The following RHOBTB1 variants were observed in gnomAD, a reference collection of about 807,000 sequenced individuals.
RHOBTB1 encodes the protein rho-related BTB domain-containing protein 1.
Under a neutral mutation model 71.6 loss-of-function variants are expected in RHOBTB1, and 40 were observed. The observed-to-expected ratio is 0.56, with a 90% CI of 0.43 to 0.73. The LOEUF is 0.73. Among genes scored for constraint, RHOBTB1 ranks in the 30% least tolerant of loss-of-function variants. The pLI, the probability that RHOBTB1 is intolerant of heterozygous loss-of-function variation, is 0.00. For synonymous variants in RHOBTB1, 319 were observed against 334.9 expected, an observed-to-expected ratio of 0.95 and a Z score of 0.52; for missense variants, 797 against 894.0, an observed-to-expected ratio of 0.89 and a Z score of 1.38.
At chr10:60,885,675 T>C (rs1275449158) in intron 7 of RHOBTB1, among the ~76,000 whole-genome samples, 1 of 152,152 alleles carries the variant, frequency 6.6e-6, no homozygotes, top group African/African-American at 2.4e-5. Flanking sequence ...GTTAGGGGCA[T>C]AGCTAAGCCC....
chr10:60,929,767 C>T (rs1211084564), intron 2 of RHOBTB1, among the ~76,000 whole-genome samples: 1 of 152,024 alleles, frequency 6.6e-6, no homozygotes, highest in East Asian at 1.9e-4. Flanking sequence ...ACAACAATAA[C>T]AAATATATGG....
upstream of RHOBTB1, among the ~76,000 whole-genome samples, chr10:61,001,721 C>A (rs1209924128): frequency 6.6e-6 from 1 of 152,186 alleles, no homozygotes; most frequent in African/African-American, 2.4e-5. Flanking sequence ...CCCCGCCCCC[C>A]AGGGCTGTCA....
At chr10:60,974,535 A>T (rs1162678063) in intron 2 of RHOBTB1, among the ~76,000 whole-genome samples, 2 of 152,106 alleles carry the variant, frequency 1.3e-5, no homozygotes, top group Admixed American at 6.6e-5. Context: ...TTTTCTACAC[A>T]TCCATCGAGA....
intron 2 of RHOBTB1, among the ~76,000 whole-genome samples, chr10:60,932,530 A>AAAAAC (rs2084319500): frequency 6.6e-6 from 1 of 151,150 alleles, no homozygotes; most frequent in Admixed American, 6.6e-5. Context: ...AAAAAAAAAA[A>AAAAAC]AAGACAGAAA....
At chr10:60,895,697 C>A (rs1213860781) in intron 4 of RHOBTB1, among the ~76,000 whole-genome samples, 3 of 152,256 alleles carry the variant, frequency 2.0e-5, no homozygotes, top group Admixed American at 2.0e-4. Context: ...AGCCACCGCG[C>A]CCGGCCCAAG....
intron 2 of RHOBTB1, among the ~76,000 whole-genome samples, chr10:60,919,249 T>TAAA (rs2083429267): frequency 6.6e-6 from 1 of 152,208 alleles, no homozygotes; most frequent in African/African-American, 2.4e-5. Context: ...GCTCAGCCAT[T>TAAA]AAAAAATACT....
intron 2 of RHOBTB1, among the ~76,000 whole-genome samples, chr10:60,963,875 C>T (rs1435900015): frequency 1.3e-5 from 2 of 152,120 alleles, no homozygotes; most frequent in Admixed American, 1.3e-4. Flanking sequence ...GGTAACTCCT[C>T]AGTGAATAAA....
chr10:60,890,851 T>TG (rs2081881800), intron 5 of RHOBTB1, among the ~76,000 whole-genome samples: 1 of 152,230 alleles, frequency 6.6e-6, no homozygotes, highest in Non-Finnish European at 1.5e-5. Flanking sequence ...TCCTTGTTCT[T>TG]AAGACTGACT....
At position 60,889,162 on chromosome 10, in the gene RHOBTB1, A is replaced by G; in HGVS notation, c.506T>C (p.Leu169Ser). The G allele has an allele frequency of 6.2e-7, 1 of 1,612,346 alleles. No homozygotes were observed. The highest frequency in any genetic ancestry group is 8.5e-7 in the Non-Finnish European group (1 of 1,179,136). Reference sequence around the variant, plus strand: ...TACCTCTCGGCCTTTTTCTGGGGGCAAAATATCCCCTCTCTTTATGGGCCT... The same window carrying G: ...TACCTCTCGGCCTTTTTCTGGGGGCGAAATATCCCCTCTCTTTATGGGCCT... ...LARPIKRGDI[L>S]PPEKGREVAK... The change falls in exon 6 of 11, where the codon TTG becomes TCG. Residue 169 changes from leucine (L) to serine (S), a missense_variant. Physicochemically the swap from Leu to Ser is moderately radical, Grantham distance 145 (BLOSUM62 -2). Transcript: ENST00000337910.
At chr10:60,996,412 T>A (rs2087051202) in intron 1 of RHOBTB1, among the ~76,000 whole-genome samples, 1 of 152,158 alleles carries the variant, frequency 6.6e-6, no homozygotes, top group Admixed American at 6.5e-5. Context: ...TCTACTGCTC[T>A]TTAAGGCCTA....
Position 60,911,417 on chromosome 10 carries a change from C to T in RHOBTB1, c.126G>A (p.Gln42=), listed in dbSNP as rs1281302955. Residue 42 remains glutamine (Q), a synonymous_variant, in exon 3 of 11, where the codon CAG becomes CAA. Transcript: ENST00000337910. ...CARACNTTLT[Q]YQLLATHVPT... ...GCACGTGGGTGGCCAGCAGCTGATA[C>T]TGCGTGAGTGTGGTGTTGCACGCCC... is the stretch of plus-strand genomic sequence containing the variant. 3.7e-6 allele frequency: 6 copies of T among 1,614,192 alleles called. No homozygotes were observed. The East Asian group carries it at 8.9e-5, about 24-fold the overall frequency.
chr10:60,977,353 C>A (rs1416544573), intron 2 of RHOBTB1, among the ~76,000 whole-genome samples: 2 of 151,932 alleles, frequency 1.3e-5, no homozygotes, highest in Non-Finnish European at 2.9e-5. Context: ...TTTATGAAAC[C>A]TTAACATGTC....
chr10:60,878,144 G>T lies in RHOBTB1; in HGVS notation c.1576-86C>A. 12 of 1,080,686 alleles carry T rather than the reference G, an allele frequency of 1.1e-5. 1 individual carries two copies. The highest frequency in any genetic ancestry group is 1.6e-5 in the Non-Finnish European group (12 of 727,794). 66.9% of individuals were successfully genotyped at this position (1,080,686 alleles called of 1,614,324 possible). ...AGGCTATGCTGCTTATAAATATCCT[G>T]TGTGACTTGATATTGGTGAGTGTTG... On this transcript the variant is annotated intron_variant, in intron 7 of 10. Transcript: ENST00000337910.
intron 2 of RHOBTB1, among the ~76,000 whole-genome samples, chr10:60,915,557 G>A (rs970525758): frequency 1.3e-5 from 2 of 152,096 alleles, no homozygotes; most frequent in South Asian, 2.1e-4. Context: ...ACCAGTACCC[G>A]ATGAATCCAC....
Position 60,911,534 on chromosome 10 carries a change from A to G in RHOBTB1, c.9T>C (p.Ala3=). The part of the protein sequence containing the change: MD[A]DMDYERPNVE... Reference sequence around the variant, plus strand: ...CGTTGGGTCTTTCGTAGTCCATGTCAGCGTCCATTTATGAAACTCTGTAAG... The same window carrying G: ...CGTTGGGTCTTTCGTAGTCCATGTCGGCGTCCATTTATGAAACTCTGTAAG... Residue 3 remains alanine, a synonymous_variant, in exon 3 of 11, where the codon GCT becomes GCC. Transcript: ENST00000337910. The G allele has an allele frequency of 6.2e-7, 1 of 1,613,960 alleles. No individual in the cohort carries two copies. Among genetic ancestry groups the G allele is most frequent in the Non-Finnish European group, 8.5e-7 (1 of 1,179,904 alleles).
intron 2 of RHOBTB1, among the ~76,000 whole-genome samples, chr10:60,930,496 C>T (rs928751066): frequency 3.9e-5 from 6 of 152,158 alleles, no homozygotes; most frequent in South Asian, 2.1e-4. Context: ...ATGTGAAATA[C>T]ATTCGACTGA....
At chr10:60,988,125 G>A (rs893354536) in intron 1 of RHOBTB1, among the ~76,000 whole-genome samples, 15 of 150,778 alleles carry the variant, frequency 9.9e-5, no homozygotes, top group Non-Finnish European at 1.3e-4. Flanking sequence ...TATTAGAGAC[G>A]GGATTTCACT....
intron 4 of RHOBTB1, among the ~76,000 whole-genome samples, chr10:60,893,964 A>G (rs1235527315): frequency 6.6e-6 from 1 of 152,226 alleles, no homozygotes; most frequent in Non-Finnish European, 1.5e-5. Context: ...AAGAAAAGTT[A>G]CGCCCAAGGA....
upstream of RHOBTB1, among the ~76,000 whole-genome samples, chr10:60,947,406 A>C (rs2085273324): frequency 6.6e-6 from 1 of 152,212 alleles, no homozygotes; most frequent in African/African-American, 2.4e-5. Context: ...GATTAAAAAA[A>C]ATCCCACAAG....
Sources: allele counts gnomAD v4.1 joint callset (sites outside exome capture counted in the v4.1 genomes callset), GRCh38; gene constraint gnomAD v4.1.1; transcripts MANE v1.5; gene names NCBI Gene and HGNC (gene_info 2026-07-23, HGNC 2026-07-21).